Variants in DPP10 observed in about 807,000 individuals in gnomAD.
DPP10 encodes inactive dipeptidyl peptidase 10.
In DPP10, 33 loss-of-function variants were observed where a neutral mutation model predicts 120.9. The ratio of observed to expected loss-of-function variants is 0.27; its 90% CI spans 0.21 to 0.37. The LOEUF is 0.37. Among genes scored for constraint, DPP10 ranks in the 10% least tolerant of loss-of-function variants. The pLI is 1.00. For missense variants in DPP10, 816 were observed against 942.8 expected, an observed-to-expected ratio of 0.87 and a Z score of 1.76; for synonymous variants, 337 against 326.1, an observed-to-expected ratio of 1.03 and a Z score of -0.36.
At chr2:114,823,082 C>T (rs768193031) in intron 1 of DPP10, among the ~76,000 whole-genome samples, 41 of 152,258 alleles carry the variant, frequency 2.7e-4, no homozygotes, top group Non-Finnish European at 4.7e-4. Context: ...CCTACTCTAC[C>T]GGTACCAATT....
chr2:114,959,987 T>C (rs1698492769), intron 1 of DPP10, among the ~76,000 whole-genome samples: 3 of 152,188 alleles, frequency 2.0e-5, no homozygotes, highest in Admixed American at 2.0e-4. Context: ...TTTAAACCTG[T>C]GGTCATCATT....
At chr2:115,780,358 C>A (rs1682604645) in intron 15 of DPP10, among the ~76,000 whole-genome samples, 1 of 151,636 alleles carries the variant, frequency 6.6e-6, no homozygotes, top group African/African-American at 2.4e-5. Context: ...AGTAATTTTT[C>A]TGCAAGTAAA....
At chr2:114,479,743 C>T (rs138236739) in intron 1 of DPP10, among the ~76,000 whole-genome samples, 3 of 152,136 alleles carry the variant, frequency 2.0e-5, no homozygotes, top group African/African-American at 7.2e-5. Context: ...AAATGTTAGA[C>T]CCAAAACCAT....
At chr2:114,699,249 G>T (rs763518777) in intron 1 of DPP10, among the ~76,000 whole-genome samples, 1 of 152,058 alleles carries the variant, frequency 6.6e-6, no homozygotes, top group Non-Finnish European at 1.5e-5. Flanking sequence ...ATATGTATGC[G>T]TTTGTATAAA....
intron 3 of DPP10, among the ~76,000 whole-genome samples, chr2:115,455,703 A>G (rs2105014028): frequency 6.6e-6 from 1 of 152,298 alleles, no homozygotes; most frequent in Admixed American, 6.5e-5. Context: ...CCTGACAAAA[A>G]CAAGCAATGG....
chr2:115,602,486 A>G (rs1273165452), intron 5 of DPP10, among the ~76,000 whole-genome samples: 1 of 152,222 alleles, frequency 6.6e-6, no homozygotes, highest in Non-Finnish European at 1.5e-5. Flanking sequence ...ATCATTCAAC[A>G]TTCAAAAGCA....
chr2:115,263,904 A>G (rs949564587), intron 1 of DPP10, among the ~76,000 whole-genome samples: 1 of 152,150 alleles, frequency 6.6e-6, no homozygotes, highest in African/African-American at 2.4e-5. Context: ...ACACACACAC[A>G]CATACTCATT....
intron 5 of DPP10, among the ~76,000 whole-genome samples, chr2:115,555,591 T>G (rs1460054574): frequency 6.6e-6 from 1 of 152,118 alleles, no homozygotes; most frequent in African/African-American, 2.4e-5. Context: ...GGAAAACTAA[T>G]GTGATACTTG....
rs543361216 is a variant in DPP10 at position 115,816,677 on chromosome 2, C to T, written c.1950+948C>T. 6.2e-5 allele frequency among the ~76,000 whole-genome samples: 9 copies of T among 144,206 alleles called. No individual in the cohort carries two copies. In the South Asian group the frequency reaches 6.5e-4, roughly 10 times the overall value. 94.6% of individuals were successfully genotyped at this position (144,206 alleles called of 152,430 possible). On this transcript the variant is annotated intron_variant, in intron 21 of 25. Transcript: ENST00000410059. Reference sequence around the variant, plus strand: ...CTGTTGCCAGGCTGGAGTGCAGTGGCGCGATCTGGGCTCACTGCAACCTCC... The same window carrying T: ...CTGTTGCCAGGCTGGAGTGCAGTGGTGCGATCTGGGCTCACTGCAACCTCC...
intron 1 of DPP10, among the ~76,000 whole-genome samples, chr2:115,166,377 A>G (rs1414714578): frequency 2.7e-5 from 4 of 150,904 alleles, no homozygotes; most frequent in Non-Finnish European, 5.9e-5. Flanking sequence ...GTAGAGTTCT[A>G]TATAATTTGG....
At chr2:115,334,230 G>GTTTTTTTTTTTTTTTTTGT in intron 2 of DPP10, among the ~76,000 whole-genome samples, 2 of 56,412 alleles carry the variant, frequency 3.5e-5, no homozygotes, top group East Asian at 5.5e-4. Flanking sequence ...AGCAGACTCT[G>GTTTTTTTTTTTTTTTTTGT]TTTTTTTTTT....
intron 1 of DPP10, among the ~76,000 whole-genome samples, chr2:115,289,876 C>T (rs185843537): frequency 6.6e-6 from 1 of 152,214 alleles, no homozygotes; most frequent in East Asian, 1.9e-4. Context: ...AAACCTAAGA[C>T]CTGAAACCTT....
intron 1 of DPP10, among the ~76,000 whole-genome samples, chr2:115,046,922 A>G (rs1705113062): frequency 6.6e-6 from 1 of 152,056 alleles, no homozygotes; most frequent in Non-Finnish European, 1.5e-5. Context: ...GCAGATTGAA[A>G]CATGTGACTA....
intron 19 of DPP10, among the ~76,000 whole-genome samples, chr2:115,801,665 G>A (rs1171550047): frequency 6.6e-6 from 1 of 152,106 alleles, no homozygotes; most frequent in Non-Finnish European, 1.5e-5. Flanking sequence ...TTTGTCAAAG[G>A]CCTTCTCTGC....
In DPP10 at chr2:115,044,291, A is replaced by G. The variant is rs183640948; in HGVS notation, c.61-264948A>G. ...GTGAAGGGGAAGTAAGATGCCTCAC[A>G]TGGCCAGAGAAGGAGAAACAGAGAG... On this transcript the variant is annotated intron_variant, in intron 1 of 25. Transcript: ENST00000410059. Among the ~76,000 whole-genome samples, 503 of 152,212 alleles carry G rather than the reference A, an allele frequency of 3.3e-3. 5 individuals carry two copies. The highest frequency in any genetic ancestry group is 5.1e-3 in the Non-Finnish European group (345 of 68,008).
intron 1 of DPP10, among the ~76,000 whole-genome samples, chr2:114,830,536 A>T (rs548010819): frequency 1.2e-4 from 18 of 152,230 alleles, no homozygotes; most frequent in African/African-American, 4.1e-4. Context: ...ACTTACATGT[A>T]CGTAAATGTG....
intron 13 of DPP10, among the ~76,000 whole-genome samples, chr2:115,771,798 T>C (rs1681507952): frequency 6.6e-6 from 1 of 152,162 alleles, no homozygotes; most frequent in South Asian, 2.1e-4. Context: ...GTTTGAGAGC[T>C]TACTAGTTCA....
intron 1 of DPP10, among the ~76,000 whole-genome samples, chr2:114,750,321 G>A (rs568064201): frequency 1.3e-5 from 2 of 151,668 alleles, no homozygotes; most frequent in Admixed American, 6.6e-5. Flanking sequence ...TAGAGGGGAG[G>A]GAACAGACAT....
intron 5 of DPP10, among the ~76,000 whole-genome samples, chr2:115,638,186 T>C (rs1189856973): frequency 1.3e-5 from 2 of 152,324 alleles, no homozygotes; most frequent in East Asian, 3.9e-4. Context: ...GACTTTGAAA[T>C]CCGTCAGTTG....
Sources: allele counts gnomAD v4.1 joint callset (sites outside exome capture counted in the v4.1 genomes callset), GRCh38; gene constraint gnomAD v4.1.1; transcripts MANE v1.5; gene names NCBI Gene and HGNC (gene_info 2026-07-23, HGNC 2026-07-21).